The following IL1RAPL2 variants were observed in gnomAD, a reference collection of about 807,000 sequenced individuals.
IL1RAPL2 encodes X-linked interleukin-1 receptor accessory protein-like 2.
Under a neutral mutation model 44.1 loss-of-function variants are expected in IL1RAPL2, and 3 were observed. The ratio of observed to expected loss-of-function variants is 0.07; its 90% CI spans 0.03 to 0.18. The LOEUF is 0.18. IL1RAPL2 is among the 10% of genes least tolerant of loss of function. The probability of loss-of-function intolerance (pLI) is 1.00; values close to 1 mark genes in which losing one functional copy is unlikely to be tolerated. For synonymous variants in IL1RAPL2, 181 were observed against 178.8 expected (o/e 1.01, Z -0.10); for missense variants, 391 against 496.4 (o/e 0.79, Z 2.02).
At chrX:105,687,682 C>A (rs926403819) in intron 6 of IL1RAPL2, among the ~76,000 whole-genome samples, 3 of 111,488 alleles carry the variant, frequency 2.7e-5, no homozygotes, top group Non-Finnish European at 5.6e-5. Context: ...TGAAACTATT[C>A]CAATCAATAG....
chrX:104,891,391 G>C (rs754303864), intron 2 of IL1RAPL2, among the ~76,000 whole-genome samples: 3 of 112,129 alleles, frequency 2.7e-5, no homozygotes, highest in Non-Finnish European at 5.6e-5. Context: ...ACCTTGGGCA[G>C]TATTGCCATT....
intron 2 of IL1RAPL2, among the ~76,000 whole-genome samples, chrX:104,718,564 C>T (rs1007686283): frequency 1.8e-5 from 2 of 110,568 alleles, no homozygotes; most frequent in African/African-American, 6.6e-5. Flanking sequence ...CCCCTGTGTA[C>T]TCTCTCTCTC....
intron 1 of IL1RAPL2, among the ~76,000 whole-genome samples, chrX:104,580,326 A>G (rs1740103044): frequency 1.8e-5 from 2 of 112,605 alleles, no homozygotes; most frequent in Non-Finnish European, 3.8e-5. Context: ...TTGAACAACT[A>G]TTCATTTTAT....
chrX:104,972,840 G>A (rs1170247159), intron 2 of IL1RAPL2, among the ~76,000 whole-genome samples: 1 of 111,918 alleles, frequency 8.9e-6, no homozygotes, highest in Non-Finnish European at 1.9e-5. Flanking sequence ...TCCACCCATG[G>A]CATCATGTTA....
intron 5 of IL1RAPL2, among the ~76,000 whole-genome samples, chrX:105,318,163 C>T (rs759318609): frequency 3.6e-5 from 4 of 110,226 alleles, no homozygotes; most frequent in South Asian, 3.9e-4. Context: ...TTAGTAGAGA[C>T]GGGGTTTCAC....
chrX:105,446,931 T>C (rs2035959044), intron 5 of IL1RAPL2, among the ~76,000 whole-genome samples: 1 of 102,825 alleles, frequency 9.7e-6, no homozygotes, highest in Admixed American at 1.1e-4. Flanking sequence ...AATGTCCTTT[T>C]CCCTCAGATT....
intron 2 of IL1RAPL2, among the ~76,000 whole-genome samples, chrX:104,874,025 A>G (rs1392471799): frequency 9.0e-6 from 1 of 110,781 alleles, no homozygotes; most frequent in Non-Finnish European, 1.9e-5. Flanking sequence ...CTACCCACAA[A>G]TCACGTCCAC....
chrX:104,892,171 T>C (rs1375376182), intron 2 of IL1RAPL2, among the ~76,000 whole-genome samples: 1 of 111,738 alleles, frequency 8.9e-6, no homozygotes, highest in Non-Finnish European at 1.9e-5. Flanking sequence ...GATAAGCTTT[T>C]TGATGTGCTG....
intron 6 of IL1RAPL2, among the ~76,000 whole-genome samples, chrX:105,552,509 G>T (rs1046056917): frequency 1.8e-5 from 2 of 111,789 alleles, no homozygotes; most frequent in East Asian, 5.6e-4. Flanking sequence ...TTAAACTTAG[G>T]TGTGGCCATA....
At chrX:105,671,192 C>T (rs1046829630) in intron 6 of IL1RAPL2, among the ~76,000 whole-genome samples, 1 of 111,544 alleles carries the variant, frequency 9.0e-6, no homozygotes, top group Non-Finnish European at 1.9e-5. Flanking sequence ...GGTGATCCAC[C>T]GGCCTTGGCC....
At chrX:104,695,898 C>G (rs972091359) in intron 2 of IL1RAPL2, among the ~76,000 whole-genome samples, 2 of 111,155 alleles carry the variant, frequency 1.8e-5, no homozygotes, top group African/African-American at 3.3e-5. Context: ...ACCACTGTCT[C>G]CCGGGTTCAA....
At position 104,896,352 on chromosome X, in the gene IL1RAPL2, C is replaced by T. The variant is rs1923646322; in HGVS notation, c.82+237357C>T. 2.7e-5 allele frequency among the ~76,000 whole-genome samples: 3 copies of T among 111,828 alleles called. No individual in the cohort carries two copies. In the Admixed American group the frequency reaches 2.8e-4, roughly 11 times the overall value. ...GGACCCCTGGACCAACCTGCTGGCC[C>T]TTTCACTGGCCTTAAGAGTTCCCCT... is the stretch of plus-strand genomic sequence containing the variant. On this transcript the variant is annotated intron_variant, in intron 2 of 10. Coordinates refer to ENST00000372582, the MANE Select transcript of IL1RAPL2 (RefSeq NM_017416.2).
chrX:105,421,874 A>C (rs2035776211), intron 5 of IL1RAPL2, among the ~76,000 whole-genome samples: 1 of 112,274 alleles, frequency 8.9e-6, no homozygotes, highest in South Asian at 3.7e-4. Context: ...GAGAAGGAGA[A>C]ATAACTGAAA....
chrX:105,343,665 C>A (rs1005536138), intron 5 of IL1RAPL2, among the ~76,000 whole-genome samples: 1 of 111,327 alleles, frequency 9.0e-6, no homozygotes, highest in Non-Finnish European at 1.9e-5. Context: ...AATGCAGAGA[C>A]CCACAAATAA....
At chrX:105,045,131 G>GA (rs1337181037) in intron 2 of IL1RAPL2, among the ~76,000 whole-genome samples, 1 of 110,754 alleles carries the variant, frequency 9.0e-6, no homozygotes, top group Middle Eastern at 4.2e-3. Context: ...CTAAGCAACT[G>GA]AAAAAAATGA....
At chrX:104,676,790 T>C (rs1429031768) in intron 2 of IL1RAPL2, among the ~76,000 whole-genome samples, 1 of 111,700 alleles carries the variant, frequency 9.0e-6, no homozygotes, top group East Asian at 2.8e-4. Flanking sequence ...TTGGAGGCTT[T>C]GCTCATTTCT....
Position 104,838,195 on chromosome X carries a change from T to G in IL1RAPL2, c.82+179200T>G, listed in dbSNP as rs527507514. ...AGCTTTGTTCTTTTTGCTTAGAATT[T>G]TCTTGGCTATACAAGCTCTTTTTTT... On this transcript the variant is annotated intron_variant, in intron 2 of 10. Transcript: ENST00000372582. 4.1e-4 allele frequency among the ~76,000 whole-genome samples: 46 copies of G among 111,887 alleles called. 1 individual carries two copies. Among genetic ancestry groups the G allele is most frequent in the Middle Eastern group, 4.6e-3 (1 of 217 alleles).
At chrX:104,998,777 G>A (rs1311776935) in intron 2 of IL1RAPL2, among the ~76,000 whole-genome samples, 1 of 110,485 alleles carries the variant, frequency 9.1e-6, no homozygotes, top group Admixed American at 9.6e-5. Flanking sequence ...CTTAAAAAGG[G>A]TTGGAGAAAA....
At chrX:105,504,412 A>G (rs1230807843) in intron 6 of IL1RAPL2, among the ~76,000 whole-genome samples, 1 of 111,674 alleles carries the variant, frequency 9.0e-6, no homozygotes, top group African/African-American at 3.2e-5. Flanking sequence ...TTAAGTCCAT[A>G]GGGCTTACTC....
Sources: allele counts gnomAD v4.1 joint callset (sites outside exome capture counted in the v4.1 genomes callset), GRCh38; gene constraint gnomAD v4.1.1; transcripts MANE v1.5; gene names NCBI Gene and HGNC (gene_info 2026-07-23, HGNC 2026-07-21).